Variants in TGS1 observed in about 807,000 individuals in gnomAD.
The protein encoded by TGS1 is trimethylguanosine synthase.
In TGS1, 69 loss-of-function variants were observed where a neutral mutation model predicts 92.2. The observed-to-expected ratio is 0.75, with a 90% CI of 0.62 to 0.91. The LOEUF (loss-of-function observed/expected upper bound fraction) is 0.91, where lower values mean the gene tolerates loss of function less well. Among genes scored for constraint, TGS1 ranks in the 40% least tolerant of loss-of-function variants. TGS1 has a pLI of 0.00. For missense variants in TGS1, 1,062 were observed against 1,001.2 expected, an observed-to-expected ratio of 1.06 and a Z score of -0.82; for synonymous variants, 345 against 338.1, an observed-to-expected ratio of 1.02 and a Z score of -0.22.
chr8:55,804,360 G>C (rs1261524821), intron 9 of TGS1, among the ~76,000 whole-genome samples: 1 of 152,162 alleles, frequency 6.6e-6, no homozygotes, highest in Non-Finnish European at 1.5e-5. Context: ...AGAATTGCTT[G>C]AACCCAGGAG....
intron 12 of TGS1, among the ~76,000 whole-genome samples, chr8:55,815,318 T>A (rs914946502): frequency 3.3e-5 from 5 of 152,190 alleles, no homozygotes; most frequent in Non-Finnish European, 5.9e-5. Flanking sequence ...AGATTTCAAG[T>A]GTATTAATTT....
intron 10 of TGS1, among the ~76,000 whole-genome samples, chr8:55,809,403 A>G (rs1255940486): frequency 1.3e-5 from 2 of 151,920 alleles, no homozygotes; most frequent in African/African-American, 2.4e-5. Context: ...ACATGTGGCT[A>G]TTAAGCTGTC....
In TGS1 at chr8:55,813,125, C is replaced by A; in HGVS notation, c.2439+7C>A. The A allele has an allele frequency of 6.3e-7, 1 of 1,597,066 alleles. No homozygotes were observed. Among genetic ancestry groups the A allele is most frequent in the South Asian group, 1.1e-5 (1 of 90,106 alleles). Reference sequence around the variant, plus strand: ...AAATGCTGATATTGACCAGGTAAGCCATTACTGAAAAACTTCCATGAGTGT... The same window carrying A: ...AAATGCTGATATTGACCAGGTAAGCAATTACTGAAAAACTTCCATGAGTGT... On this transcript the variant is annotated splice_region_variant and intron_variant, in intron 12 of 12. Coordinates refer to ENST00000260129, the MANE Select transcript of TGS1 (RefSeq NM_024831.8).
chr8:55,804,517 T>C (rs1381052167), intron 9 of TGS1, among the ~76,000 whole-genome samples: 4 of 152,120 alleles, frequency 2.6e-5, no homozygotes, highest in Admixed American at 2.6e-4. Context: ...GTGAAATAAT[T>C]GGGAAACTCA....
chr8:55,811,129 A>G (rs1410473614), intron 11 of TGS1, 32 bp downstream of exon 11: 12 of 1,518,836 alleles, frequency 7.9e-6, no homozygotes, highest in Non-Finnish European at 1.1e-5. Flanking sequence ...AGTTTACTGA[A>G]ACAATGATTG....
At chr8:55,779,546 C>T (rs1045156095) in intron 1 of TGS1, among the ~76,000 whole-genome samples, 15 of 152,330 alleles carry the variant, frequency 9.8e-5, no homozygotes, top group African/African-American at 3.6e-4. Context: ...GTAGGAGATG[C>T]AGGCCAGGAA....
intron 4 of TGS1, among the ~76,000 whole-genome samples, chr8:55,789,940 G>A (rs1489938450): frequency 6.6e-6 from 1 of 152,152 alleles, no homozygotes; most frequent in Non-Finnish European, 1.5e-5. Flanking sequence ...TTTAAGCTGA[G>A]CTTAAAATGT....
At chr8:55,821,755 C>A (rs1296029838) in intron 12 of TGS1, among the ~76,000 whole-genome samples, 1 of 151,818 alleles carries the variant, frequency 6.6e-6, no homozygotes, top group Non-Finnish European at 1.5e-5. Flanking sequence ...CGCCTGTAGT[C>A]CCAGCTACTC....
At chr8:55,812,319 G>A (rs1803360558) in intron 11 of TGS1, among the ~76,000 whole-genome samples, 1 of 151,930 alleles carries the variant, frequency 6.6e-6, no homozygotes, top group Admixed American at 6.6e-5. Flanking sequence ...TTTGAGGTCA[G>A]GAGTTCAAGA....
At chr8:55,808,166 A>C (rs1268947706) in intron 10 of TGS1, among the ~76,000 whole-genome samples, 2 of 152,182 alleles carry the variant, frequency 1.3e-5, no homozygotes, top group African/African-American at 4.8e-5. Context: ...CCAAGGCATG[A>C]TATTTGCTAA....
chr8:55,812,387 G>A (rs1803361765), intron 11 of TGS1, among the ~76,000 whole-genome samples: 1 of 151,004 alleles, frequency 6.6e-6, no homozygotes, highest in South Asian at 2.1e-4. Flanking sequence ...AATTAGCTGG[G>A]CATGGTGGTG....
At chr8:55,775,938 T>C (rs1160007324) in intron 1 of TGS1, among the ~76,000 whole-genome samples, 2 of 152,094 alleles carry the variant, frequency 1.3e-5, no homozygotes, top group African/African-American at 4.8e-5. Context: ...ATTGGAAAGC[T>C]GCCAAAATAT....
intron 1 of TGS1, among the ~76,000 whole-genome samples, chr8:55,777,571 A>G (rs1169770864): frequency 6.7e-6 from 1 of 150,078 alleles, no homozygotes; most frequent in Non-Finnish European, 1.5e-5. Flanking sequence ...ACAGAGTCTC[A>G]CTCTGTCGCC....
chr8:55,784,769 A>G (rs1811661065), intron 2 of TGS1, among the ~76,000 whole-genome samples: 1 of 152,184 alleles, frequency 6.6e-6, no homozygotes, highest in Non-Finnish European at 1.5e-5. Context: ...TAACTTCACA[A>G]ATCATGATTT....
intron 12 of TGS1, among the ~76,000 whole-genome samples, chr8:55,821,724 T>A (rs776742210): frequency 6.6e-6 from 1 of 151,668 alleles, no homozygotes; most frequent in African/African-American, 2.4e-5. Flanking sequence ...ATACAAAAAA[T>A]TAGCCGGGTG....
At chr8:55,778,358 C>A (rs1421781296) in intron 1 of TGS1, among the ~76,000 whole-genome samples, 1 of 152,196 alleles carries the variant, frequency 6.6e-6, no homozygotes, top group East Asian at 1.9e-4. Context: ...ACTATGCTAC[C>A]AGTTGGCATA....
At chr8:55,777,480 A>G (rs1426060479) in intron 1 of TGS1, among the ~76,000 whole-genome samples, 2 of 151,890 alleles carry the variant, frequency 1.3e-5, no homozygotes, top group East Asian at 1.9e-4. Context: ...CCCATTGGCT[A>G]TCTTCAGCTG....
Position 55,785,745 on chromosome 8 carries a change from G to A in TGS1, c.193G>A (p.Gly65Ser). The change falls in exon 3 of 13, where the codon GGT (glycine) becomes AGT (serine). Residue 65 changes from glycine (G) to serine (S), a missense_variant. Coordinates refer to ENST00000260129, the MANE Select transcript of TGS1 (RefSeq NM_024831.8). ...SGDQATEEEEGGYSCGTAESH... is the reference protein window; with the variant it reads ...SGDQATEEEESGYSCGTAESH... ...AGACCAGGCGACAGAAGAAGAGGAA[G>A]GTGGTTATTCCTGTGGTACTGCAGA... 6.2e-7 allele frequency: 1 copy of A among 1,610,290 alleles called. No homozygotes were observed. The highest frequency in any genetic ancestry group is 8.5e-7 in the Non-Finnish European group (1 of 1,178,762).
At position 55,813,081 on chromosome 8, in the gene TGS1, T is replaced by A. The variant is rs141056355; in HGVS notation, c.2402T>A (p.Ile801Asn). Residue 801 changes from isoleucine (I) to asparagine (N), a missense_variant, in exon 12 of 13, where the codon ATT becomes AAT. Transcript: ENST00000260129. ...CTTTCTAAGAAGATCACTAATAATA[T>A]TGTTTATTTTCTTCCAAGAAATGCT... ...FRLSKKITNN[I>N]VYFLPRNADI... The A allele has an allele frequency of 7.4e-6, 12 of 1,610,930 alleles. No individual in the cohort carries two copies. The highest frequency in any genetic ancestry group is 1.0e-5 in the Non-Finnish European group (12 of 1,178,108).
Sources: allele counts gnomAD v4.1 joint callset (sites outside exome capture counted in the v4.1 genomes callset), GRCh38; gene constraint gnomAD v4.1.1; transcripts MANE v1.5; gene names NCBI Gene and HGNC (gene_info 2026-07-23, HGNC 2026-07-21).